GRIA3: variants seen among roughly 807,000 people sequenced by gnomAD.
GRIA3 encodes the protein glutamate ionotropic receptor AMPA type subunit 3.
Under a neutral mutation model 63.0 loss-of-function variants are expected in GRIA3, and 3 were observed. The observed-to-expected ratio is 0.05, with a 90% CI of 0.02 to 0.12. The LOEUF is 0.12. GRIA3 is among the 10% of genes least tolerant of loss of function. The pLI is 1.00. For missense variants in GRIA3, 347 were observed against 700.9 expected, an observed-to-expected ratio of 0.50 and a Z score of 5.70; for synonymous variants, 274 against 257.9, an observed-to-expected ratio of 1.06 and a Z score of -0.60.
At chrX:123,280,136 C>A (rs960956054) in intron 3 of GRIA3, among the ~76,000 whole-genome samples, 2 of 111,701 alleles carry the variant, frequency 1.8e-5, no homozygotes, top group African/African-American at 6.5e-5. Context: ...TCACACTTCA[C>A]AAATGAATAT....
At chrX:123,311,964 G>T (rs1345456919) in intron 3 of GRIA3, among the ~76,000 whole-genome samples, 3 of 112,121 alleles carry the variant, frequency 2.7e-5, no homozygotes, top group African/African-American at 9.7e-5. Context: ...TTTTCTTCAT[G>T]AACATGTGCG....
chrX:123,244,992 G>T (rs2044349785), intron 2 of GRIA3, among the ~76,000 whole-genome samples: 1 of 112,270 alleles, frequency 8.9e-6, no homozygotes, highest in Admixed American at 9.4e-5. Context: ...TCAATAGTCT[G>T]GGAAAAGACT....
rs1476188398 is a variant in GRIA3 at position 123,278,167 on chromosome X, T to C, written c.508+24625T>C. Among the ~76,000 whole-genome samples the C allele has an allele frequency of 6.2e-5, 7 of 112,063 alleles. No individual in the cohort carries two copies. The East Asian group carries it at 2.0e-3, about 32-fold the overall frequency. Reference sequence around the variant, plus strand: ...GCAGTTCCATGTACAATGGTGAGCATTCTACTCTTGAGAGTGCAGGATCAG... The same window carrying C: ...GCAGTTCCATGTACAATGGTGAGCACTCTACTCTTGAGAGTGCAGGATCAG... On this transcript the variant is annotated intron_variant, in intron 3 of 15. Coordinates refer to ENST00000620443, the MANE Select transcript of GRIA3 (RefSeq NM_007325.5).
At chrX:123,249,768 T>C in intron 2 of GRIA3, among the ~76,000 whole-genome samples, 1 of 112,196 alleles carries the variant, frequency 8.9e-6, no homozygotes, top group Non-Finnish European at 1.9e-5. Context: ...GCCACTGATC[T>C]ATAAATATTC....
chrX:123,353,842 G>A lies in GRIA3; in HGVS notation c.697-1068G>A, dbSNP rs143634010. Reference sequence around the variant, plus strand: ...CCTGTTCCGTCCATGGGTACTCATTGTAGTACTTTGTACACAGTCAGTACT... The same window carrying A: ...CCTGTTCCGTCCATGGGTACTCATTATAGTACTTTGTACACAGTCAGTACT... On this transcript the variant is annotated intron_variant, in intron 4 of 15. Coordinates refer to ENST00000620443, the MANE Select transcript of GRIA3 (RefSeq NM_007325.5). Among the ~76,000 whole-genome samples the A allele has an allele frequency of 4.1e-3, 452 of 111,574 alleles. 2 individuals are homozygous for A. Among genetic ancestry groups the A allele is most frequent in the African/African-American group, 0.014 (415 of 30,711 alleles).
chrX:123,456,760 A>C (rs1339634478), intron 12 of GRIA3, among the ~76,000 whole-genome samples: 3 of 111,756 alleles, frequency 2.7e-5, no homozygotes, highest in African/African-American at 9.8e-5. Flanking sequence ...CCTTGTAAGG[A>C]TCACCTATGC....
Position 123,255,499 on chromosome X carries a change from T to G in GRIA3, c.508+1957T>G, listed in dbSNP as rs181565401. ...AACTTTGTAAGTCAGGCAACTTCTC[T>G]CCTGAAACATTTTAAAAACGAAATA... On this transcript the variant is annotated intron_variant, in intron 3 of 15. Transcript: ENST00000620443. Among the ~76,000 whole-genome samples, 411 of 109,432 alleles carry G rather than the reference T, an allele frequency of 3.8e-3. 2 individuals carry two copies. The highest frequency in any genetic ancestry group is 5.1e-3 in the Non-Finnish European group (271 of 52,632).
rs73630710 is a variant in GRIA3 at position 123,457,810 on chromosome X, G to T, written c.2077-7055G>T. 6.8e-3 allele frequency among the ~76,000 whole-genome samples: 759 copies of T among 111,492 alleles called. 8 individuals are homozygous for T. Among genetic ancestry groups the T allele is most frequent in the African/African-American group, 0.023 (710 of 30,653 alleles). Reference sequence around the variant, plus strand: ...GGATGTTGAACCCTGTCAAACTGAGGAATTGTGCTCATGTCAAGACCACGA... The same window carrying T: ...GGATGTTGAACCCTGTCAAACTGAGTAATTGTGCTCATGTCAAGACCACGA... On this transcript the variant is annotated intron_variant, in intron 12 of 15. Coordinates refer to ENST00000620443, the MANE Select transcript of GRIA3 (RefSeq NM_007325.5).
chrX:123,313,532 C>T (rs1466423226), intron 3 of GRIA3, among the ~76,000 whole-genome samples: 1 of 111,457 alleles, frequency 9.0e-6, no homozygotes, highest in African/African-American at 3.3e-5. Flanking sequence ...CTTTGGCATA[C>T]ATTCACCCCC....
At position 123,404,388 on chromosome X, in the gene GRIA3, A is replaced by C. The variant is rs115490038; in HGVS notation, c.1294-320A>C. On this transcript the variant is annotated intron_variant, in intron 9 of 15. Coordinates refer to ENST00000620443, the MANE Select transcript of GRIA3 (RefSeq NM_007325.5). The stretch of plus-strand genomic sequence containing the variant: ...GAGAAATGAAAGGCACTTCACCATC[A>C]TGTAACTAAGTCTGCCAAATTTGAT... Among the ~76,000 whole-genome samples, 800 of 110,633 alleles carry C rather than the reference A, an allele frequency of 7.2e-3. 12 individuals carry two copies. Among genetic ancestry groups the C allele is most frequent in the African/African-American group, 0.025 (761 of 30,415 alleles).
chrX:123,435,145 G>C (rs769226827), intron 12 of GRIA3, among the ~76,000 whole-genome samples: 106 of 112,199 alleles, frequency 9.4e-4, no homozygotes, highest in Non-Finnish European at 1.5e-3. Flanking sequence ...CTCCAGGGAA[G>C]CTGGTGGTGT....
chrX:123,456,267 G>A (rs144567789), intron 12 of GRIA3, among the ~76,000 whole-genome samples: 1,762 of 111,376 alleles, frequency 0.016, 19 homozygotes, highest in Middle Eastern at 0.05. Flanking sequence ...CTGCTGTGGG[G>A]TTTAAATGAG....
chrX:123,269,920 G>A (rs1292598978), intron 3 of GRIA3, among the ~76,000 whole-genome samples: 3 of 112,401 alleles, frequency 2.7e-5, no homozygotes, highest in Non-Finnish European at 5.6e-5. Context: ...AAACGGAAGT[G>A]CCTAAAGGCA....
At chrX:123,463,733 GAGAGAGAAAGAAAGAAAA>G (rs2045817393) in intron 12 of GRIA3, among the ~76,000 whole-genome samples, 1 of 92,840 alleles carries the variant, frequency 1.1e-5, no homozygotes, top group Non-Finnish European at 2.0e-5. Context: ...AGAGAAAGAA[GAGAGAGAAAGAAAGAAAA>G]AGAGAGAAAG....
At chrX:123,431,385 A>G (rs1454434676) in intron 12 of GRIA3, among the ~76,000 whole-genome samples, 2 of 109,201 alleles carry the variant, frequency 1.8e-5, no homozygotes, top group African/African-American at 7.1e-5. Context: ...GTCATCTTAC[A>G]ATCCCATGAT....
intron 13 of GRIA3, among the ~76,000 whole-genome samples, chrX:123,475,332 T>C (rs974735198): frequency 1.8e-5 from 2 of 112,459 alleles, no homozygotes; most frequent in Non-Finnish European, 3.8e-5. Flanking sequence ...CTCAGAAGGA[T>C]TTGTATTTTA....
chrX:123,480,979 C>T (rs2045910062), intron 14 of GRIA3, among the ~76,000 whole-genome samples: 1 of 110,907 alleles, frequency 9.0e-6, no homozygotes, highest in African/African-American at 3.3e-5. Context: ...ATCGTGGTAT[C>T]AGTTAATTCA....
chrX:123,228,544 A>T (rs1224992220), intron 2 of GRIA3, among the ~76,000 whole-genome samples: 2 of 111,427 alleles, frequency 1.8e-5, no homozygotes, highest in African/African-American at 3.3e-5. Context: ...AGCACTTAGC[A>T]GGTGAGCCAA....
At chrX:123,389,771 G>A (rs1020537620) in intron 5 of GRIA3, among the ~76,000 whole-genome samples, 7 of 110,880 alleles carry the variant, frequency 6.3e-5, no homozygotes, top group Admixed American at 1.9e-4. Context: ...GCAGTAGTGC[G>A]AACTCAGCTC....
Sources: gnomAD v4.1 joint callset for allele counts (sites outside exome capture counted in the v4.1 genomes callset) on GRCh38, gnomAD v4.1.1 for gene constraint, MANE v1.5 for transcripts, NCBI Gene and HGNC (gene_info 2026-07-23, HGNC 2026-07-21) for gene names.